Variants in OTUD7B observed in about 807,000 individuals in gnomAD.
OTUD7B encodes OTU domain-containing protein 7B.
A neutral mutation model predicts 82.2 loss-of-function variants in OTUD7B; 34 were observed. The observed-to-expected ratio is 0.41, with a 90% confidence interval of 0.31 to 0.55. OTUD7B has a LOEUF of 0.55. Among genes scored for constraint, OTUD7B ranks in the 20% least tolerant of loss-of-function variants. The pLI is 0.20. For missense variants in OTUD7B, 944 were observed against 1,062.1 expected, an observed-to-expected ratio of 0.89 and a Z score of 1.55; for synonymous variants, 398 against 402.7, an observed-to-expected ratio of 0.99 and a Z score of 0.14.
the OTUD7B span, among the ~76,000 whole-genome samples, chr1:150,060,272 G>A: frequency 6.6e-6 from 1 of 152,142 alleles, no homozygotes; most frequent in Non-Finnish European, 1.5e-5. Flanking sequence ...CAGTATCTCT[G>A]TATGGGATTG....
chr1:149,950,016 C>T, intron 8 of OTUD7B, 78 bp downstream of exon 8: 1 of 1,570,968 alleles, frequency 6.4e-7, no homozygotes, highest in East Asian at 2.2e-5. Flanking sequence ...CCCTTTCCTG[C>T]CTTCCTTCCA....
At chr1:149,979,438 G>A (rs189934274) in intron 1 of OTUD7B, among the ~76,000 whole-genome samples, 1 of 152,174 alleles carries the variant, frequency 6.6e-6, no homozygotes, top group Admixed American at 6.5e-5. Flanking sequence ...GGTTTCAGTT[G>A]TCTCTTCTAT....
chr1:149,958,809 G>A (rs1413667463), intron 7 of OTUD7B, among the ~76,000 whole-genome samples: 1 of 151,622 alleles, frequency 6.6e-6, no homozygotes, highest in Non-Finnish European at 1.5e-5. Context: ...CAGGGGTGCT[G>A]TCACAACTCA....
chr1:149,953,656 G>C (rs1021938018), intron 7 of OTUD7B, among the ~76,000 whole-genome samples: 2 of 152,126 alleles, frequency 1.3e-5, no homozygotes, highest in Non-Finnish European at 2.9e-5. Context: ...CCATTTTCAC[G>C]ATACTGAGTC....
intron 7 of OTUD7B, among the ~76,000 whole-genome samples, chr1:149,956,678 A>T (rs1648700503): frequency 6.6e-6 from 1 of 152,190 alleles, no homozygotes; most frequent in Non-Finnish European, 1.5e-5. Flanking sequence ...CACCAATCAG[A>T]CATAGATTTG....
intron 7 of OTUD7B, among the ~76,000 whole-genome samples, chr1:149,956,821 T>G (rs1470215581): frequency 6.6e-6 from 1 of 152,218 alleles, no homozygotes; most frequent in African/African-American, 2.4e-5. Flanking sequence ...TCCACTTGAT[T>G]GAATCAGCTA....
chr1:149,950,224 G>C lies in OTUD7B; in HGVS notation c.846-3C>G. On this transcript the variant is annotated splice_polypyrimidine_tract_variant and splice_region_variant and intron_variant, in intron 7 of 11. Coordinates refer to ENST00000581312, the MANE Select transcript of OTUD7B (RefSeq NM_020205.4). ...CAGGCTCCTCAGAACTCTCCACCCT[G>C]GAACGACGGGAAGGGAGAGAGTGAA... 1.2e-6 allele frequency: 2 copies of C among 1,613,848 alleles called. No homozygotes were observed. Among genetic ancestry groups the C allele is most frequent in the Non-Finnish European group, 1.7e-6 (2 of 1,179,938 alleles).
chr1:150,044,823 G>A, the OTUD7B span, among the ~76,000 whole-genome samples: 2 of 151,798 alleles, frequency 1.3e-5, no homozygotes, highest in South Asian at 4.1e-4. Context: ...AAAAATAAGA[G>A]TTTAAAATAT....
At chr1:150,054,343 G>C in the OTUD7B span, 1 of 523,386 alleles carries the variant, frequency 1.9e-6, no homozygotes, top group Non-Finnish European at 3.8e-6. Flanking sequence ...GGGGCAAGAG[G>C]GTGATTTTCC....
At chr1:149,958,024 G>A (rs781910367) in intron 7 of OTUD7B, among the ~76,000 whole-genome samples, 17 of 152,148 alleles carry the variant, frequency 1.1e-4, no homozygotes, top group African/African-American at 3.4e-4. Context: ...CTCACGCTCC[G>A]TGGGCTATAC....
At chr1:150,022,935 C>T in the OTUD7B span, among the ~76,000 whole-genome samples, 1 of 152,212 alleles carries the variant, frequency 6.6e-6, no homozygotes, top group Non-Finnish European at 1.5e-5. Context: ...CCAGTAAGGT[C>T]ATAGTGTTTG....
At chr1:149,981,913 G>A (rs1650760515) in intron 1 of OTUD7B, among the ~76,000 whole-genome samples, 1 of 152,170 alleles carries the variant, frequency 6.6e-6, no homozygotes, top group African/African-American at 2.4e-5. Context: ...ACTTTGGGAG[G>A]CCGAGGCAGG....
intron 6 of OTUD7B, chr1:149,963,691 C>T (rs1649318217): frequency 6.5e-6 from 1 of 153,044 alleles, no homozygotes; most frequent in Admixed American, 6.5e-5. Flanking sequence ...AAGTACTGTT[C>T]AGACTCAATT....
chr1:149,995,400 G>C (rs1358026313), intron 1 of OTUD7B, among the ~76,000 whole-genome samples: 1 of 152,102 alleles, frequency 6.6e-6, no homozygotes, highest in Non-Finnish European at 1.5e-5. Context: ...CCAACATGGG[G>C]AAACCCTGTC....
intron 9 of OTUD7B, among the ~76,000 whole-genome samples, chr1:149,949,326 TTCCA>T (rs1648006380): frequency 1.3e-5 from 2 of 152,196 alleles, no homozygotes; most frequent in Non-Finnish European, 2.9e-5. Flanking sequence ...ATGATGTTCT[TTCCA>T]GTTAATGTAT....
At position 149,967,472 on chromosome 1, in the gene OTUD7B, G is replaced by A; in HGVS notation, c.324C>T (p.Ser108=). The change falls in exon 4 of 12, where the codon TCC becomes TCT. Residue 108 remains serine (S), a synonymous_variant. Transcript: ENST00000581312. The part of the protein sequence containing the change: ...GISHASSSIV[S]LARSHVSSNG... ...TGGAGGAGACATGGGACCGGGCCAG[G>A]GAAACAATGCTGGAGCTGGCGTGGG... 1 of 1,613,714 alleles carries A rather than the reference G, an allele frequency of 6.2e-7. No individual in the cohort carries two copies. Among genetic ancestry groups the A allele is most frequent in the Non-Finnish European group, 8.5e-7 (1 of 1,179,754 alleles).
Position 149,944,786 on chromosome 1 carries a change from C to T in OTUD7B, c.1603G>A (p.Val535Met). The T allele has an allele frequency of 1.2e-6, 2 of 1,614,128 alleles. No homozygotes were observed. Among genetic ancestry groups the T allele is most frequent in the Non-Finnish European group, 1.7e-6 (2 of 1,180,034 alleles). The stretch of plus-strand genomic sequence containing the variant: ...CTGCTTCCTCCCAACCCTGTCCCCA[C>T]CCCTCCAGGCTTTGAACCCTTGCTG... Reference protein sequence around the residue: ...MHSKGSKPGGVGTGLGGSSGT... With the variant: ...MHSKGSKPGGMGTGLGGSSGT... The change falls in exon 12 of 12, where the codon GTG becomes ATG. Residue 535 changes from valine (V) to methionine (M), a missense_variant. Physicochemically the swap from Val to Met is conservative, Grantham distance 21 (BLOSUM62 1). Coordinates refer to ENST00000581312, the MANE Select transcript of OTUD7B (RefSeq NM_020205.4).
At chr1:149,969,052 G>T (rs1559844177) in intron 3 of OTUD7B, among the ~76,000 whole-genome samples, 1 of 152,056 alleles carries the variant, frequency 6.6e-6, no homozygotes. Context: ...GGCTGAGCAT[G>T]GTGGCTCACA....
chr1:150,067,579 C>T, the OTUD7B span: 1 of 446,878 alleles, frequency 2.2e-6, no homozygotes, highest in South Asian at 4.0e-5. Flanking sequence ...GTCTGAGAGT[C>T]CGGGCCTCAG....
Sources: gnomAD v4.1 joint callset for allele counts (sites outside exome capture counted in the v4.1 genomes callset) on GRCh38, gnomAD v4.1.1 for gene constraint, MANE v1.5 for transcripts, NCBI Gene and HGNC (gene_info 2026-07-23, HGNC 2026-07-21) for gene names.